Variants in CDH11 observed in about 807,000 individuals in gnomAD.
CDH11 encodes the protein cadherin-11.
A neutral mutation model predicts 67.8 loss-of-function variants in CDH11; 11 were observed. That is an observed-to-expected ratio of 0.16 (90% CI 0.10 to 0.27). The LOEUF (loss-of-function observed/expected upper bound fraction) is 0.27, where lower values mean the gene tolerates loss of function less well. Among genes scored for constraint, CDH11 ranks in the 10% least tolerant of loss-of-function variants. The pLI is 1.00. For synonymous variants in CDH11, 419 were observed against 400.0 expected (o/e 1.05, Z -0.57); for missense variants, 847 against 1,031.2 (o/e 0.82, Z 2.45).
At chr16:65,047,359 G>T (rs60498537) in intron 2 of CDH11, among the ~76,000 whole-genome samples, 55,941 of 148,202 alleles carry the variant, frequency 0.38, 10,765 homozygotes, top group Middle Eastern at 0.46. Context: ...TTTGTTTTTG[G>T]TTTTTTTTTT....
intron 11 of CDH11, among the ~76,000 whole-genome samples, chr16:64,952,382 C>G (rs1405370537): frequency 6.6e-6 from 1 of 152,178 alleles, no homozygotes; most frequent in South Asian, 2.1e-4. Context: ...ATCTCAGTCT[C>G]TCCAAGGCCA....
At chr16:65,001,753 C>T (rs1400882538) in intron 3 of CDH11, among the ~76,000 whole-genome samples, 1 of 150,022 alleles carries the variant, frequency 6.7e-6, no homozygotes, top group Non-Finnish European at 1.5e-5. Flanking sequence ...ATACAACTGA[C>T]ATGGATACTT....
intron 2 of CDH11, among the ~76,000 whole-genome samples, chr16:65,020,003 A>G (rs1223764303): frequency 6.6e-6 from 1 of 152,144 alleles, no homozygotes; most frequent in African/African-American, 2.4e-5. Context: ...AGTTTCAATT[A>G]TATATGTTAC....
At chr16:64,991,002 A>T (rs1437820177) in intron 6 of CDH11, among the ~76,000 whole-genome samples, 1 of 152,200 alleles carries the variant, frequency 6.6e-6, no homozygotes, top group African/African-American at 2.4e-5. Context: ...TTCCATTGAA[A>T]GGTGGGGTCT....
At chr16:65,122,154 G>A (rs1323324681), upstream of CDH11, 2 of 554,646 alleles carry the variant, frequency 3.6e-6, no homozygotes, top group African/African-American at 4.1e-5. Flanking sequence ...GCGGGAGGAG[G>A]GAGGCTGCCG....
At chr16:65,084,436 G>A (rs879236246) in intron 1 of CDH11, among the ~76,000 whole-genome samples, 2 of 152,034 alleles carry the variant, frequency 1.3e-5, no homozygotes, top group African/African-American at 4.8e-5. Flanking sequence ...AGAAGCCTGG[G>A]TGACAGAGCA....
chr16:65,037,571 G>T (rs2073776979), intron 2 of CDH11, among the ~76,000 whole-genome samples: 1 of 152,156 alleles, frequency 6.6e-6, no homozygotes, highest in Admixed American at 6.5e-5. Flanking sequence ...TTCTGGTGTA[G>T]ACACTGATTA....
intron 1 of CDH11, among the ~76,000 whole-genome samples, chr16:65,115,228 A>G (rs938534969): frequency 1.3e-5 from 2 of 152,194 alleles, no homozygotes; most frequent in Non-Finnish European, 2.9e-5. Flanking sequence ...GGCAGTGTTC[A>G]AAAGCAGTAA....
chr16:64,990,364 G>A (rs970505413), intron 6 of CDH11, among the ~76,000 whole-genome samples: 2 of 151,546 alleles, frequency 1.3e-5, no homozygotes, highest in African/African-American at 4.9e-5. Flanking sequence ...GAATTCCTTT[G>A]AGTAACCACA....
Position 65,021,617 on chromosome 16 carries a change from T to G in CDH11, c.-172-16576A>C, listed in dbSNP as rs1369942513. The stretch of plus-strand genomic sequence containing the variant: ...GTTATCCATGTTTAATTAAGCTAAC[T>G]CTCAACAATAGAGCTCTTTAAAAAA... On this transcript the variant is annotated intron_variant, in intron 2 of 12. Transcript: ENST00000268603. Among the ~76,000 whole-genome samples, 4 of 147,366 alleles carry G rather than the reference T, an allele frequency of 2.7e-5. No individual in the cohort carries two copies. The East Asian group carries it at 8.0e-4, about 29-fold the overall frequency.
At chr16:64,950,725 G>T in intron 12 of CDH11, 42 bp downstream of exon 12, 1 of 1,599,210 alleles carries the variant, frequency 6.3e-7, no homozygotes, top group South Asian at 1.1e-5. Flanking sequence ...GGGGCATCCG[G>T]TTGCCTGGCC....
chr16:65,011,037 G>T (rs1279824359), intron 2 of CDH11, among the ~76,000 whole-genome samples: 1 of 142,594 alleles, frequency 7.0e-6, no homozygotes, highest in African/African-American at 2.6e-5. Context: ...ACACACATAT[G>T]TATATGTATA....
intron 2 of CDH11, among the ~76,000 whole-genome samples, chr16:65,018,555 A>G (rs1325466983): frequency 6.6e-6 from 1 of 152,218 alleles, no homozygotes. Flanking sequence ...TCACAGTAGT[A>G]TACTTTTCTC....
At chr16:65,002,922 CT>C (rs1296289797) in intron 3 of CDH11, among the ~76,000 whole-genome samples, 4 of 149,884 alleles carry the variant, frequency 2.7e-5, no homozygotes, top group African/African-American at 4.9e-5. Context: ...TATTCATTTT[CT>C]TTTTTTCTTT....
At chr16:65,036,338 C>G (rs2073754013) in intron 2 of CDH11, among the ~76,000 whole-genome samples, 1 of 152,074 alleles carries the variant, frequency 6.6e-6, no homozygotes, top group African/African-American at 2.4e-5. Flanking sequence ...TGGCTTTATT[C>G]AAAGGCTTGG....
intron 8 of CDH11, among the ~76,000 whole-genome samples, chr16:64,978,250 G>C (rs1324406062): frequency 1.3e-5 from 2 of 152,130 alleles, no homozygotes; most frequent in Admixed American, 1.3e-4. Context: ...ATAAATATTT[G>C]TTAGACATCG....
rs1267134870 is a variant in CDH11, at chr16:65,121,673, C to G, written c.-298+207G>C. 1.4e-4 allele frequency among the ~76,000 whole-genome samples: 21 copies of G among 152,212 alleles called. No individual in the cohort carries two copies. The highest frequency in any genetic ancestry group is 2.5e-4 in the Non-Finnish European group (17 of 68,024). ...CCTCCGTCCCCTGCTTTGCCCGCGC[C>G]CACAGCTGGCTCCCTTCTCCCTTTC... On this transcript the variant is annotated intron_variant, in intron 1 of 12. Transcript: ENST00000268603. This position sits in a 1 kb window ranked among gnomAD's most constrained non-coding sequence, Gnocchi z 4.1.
intron 1 of CDH11, among the ~76,000 whole-genome samples, chr16:65,107,760 A>G (rs906141946): frequency 6.6e-6 from 1 of 152,120 alleles, no homozygotes; most frequent in African/African-American, 2.4e-5. Context: ...CCTTCTCCAG[A>G]ATGCTGAGAA....
Position 64,948,111 on chromosome 16 carries a change from G to A in CDH11, c.1895-12C>T. The A allele has an allele frequency of 6.2e-7, 1 of 1,602,872 alleles. No homozygotes were observed. The highest frequency in any genetic ancestry group is 8.5e-7 in the Non-Finnish European group (1 of 1,174,608). On this transcript the variant is annotated splice_polypyrimidine_tract_variant and intron_variant, in intron 12 of 12. Coordinates refer to ENST00000268603, the MANE Select transcript of CDH11 (RefSeq NM_001797.4). ...CAATACTACAATGACTGGAGGGAAAGAAAAAGAAGGTAAGCATTCGTTAAG... is the reference window on the plus strand; with the variant it reads ...CAATACTACAATGACTGGAGGGAAAAAAAAAGAAGGTAAGCATTCGTTAAG...
Sources: allele counts gnomAD v4.1 joint callset (sites outside exome capture counted in the v4.1 genomes callset), GRCh38; gene constraint gnomAD v4.1.1; non-coding constraint Gnocchi (gnomAD v3.1); transcripts MANE v1.5; gene names NCBI Gene and HGNC (gene_info 2026-07-23, HGNC 2026-07-21).